AVL9: variants seen among roughly 807,000 people sequenced by gnomAD.
The protein encoded by AVL9 is AVL9 cell migration associated.
In AVL9, 49 loss-of-function variants were observed where a neutral mutation model predicts 79.2. That is an observed-to-expected ratio of 0.62 (90% CI 0.49 to 0.79). The LOEUF (loss-of-function observed/expected upper bound fraction) is 0.79. Among genes scored for constraint, AVL9 ranks in the 30% least tolerant of loss-of-function variants. The pLI, the probability that AVL9 is intolerant of heterozygous loss-of-function variation, is 0.00. For synonymous variants in AVL9, 299 were observed against 280.6 expected (o/e 1.07, Z -0.65); for missense variants, 682 against 776.8 (o/e 0.88, Z 1.45).
At chr7:32,570,980 A>G (rs1367111692) in intron 11 of AVL9, among the ~76,000 whole-genome samples, 1 of 142,446 alleles carries the variant, frequency 7.0e-6, no homozygotes, top group Non-Finnish European at 1.5e-5. Context: ...CTGTAATCCC[A>G]GCACTTGGGG....
intron 5 of AVL9, 71 bp from the exon 6 acceptor site, chr7:32,552,158 C>A: frequency 1.0e-6 from 1 of 991,808 alleles, no homozygotes; most frequent in Non-Finnish European, 1.5e-6. Flanking sequence ...CAGCTTTTTT[C>A]TGATCAATAT....
intron 13 of AVL9, among the ~76,000 whole-genome samples, chr7:32,577,772 GA>G (rs1182445572): frequency 3.3e-5 from 5 of 152,328 alleles, no homozygotes; most frequent in Non-Finnish European, 5.9e-5. Context: ...AAGAACATGT[GA>G]AGAAGTTGAG....
At chr7:32,563,724 A>G (rs1790429242) in intron 10 of AVL9, among the ~76,000 whole-genome samples, 1 of 152,062 alleles carries the variant, frequency 6.6e-6, no homozygotes, top group African/African-American at 2.4e-5. Context: ...CAATGTATGT[A>G]TTCCTCTCCT....
chr7:32,537,820 A>G (rs1049079512), intron 1 of AVL9: 2 of 152,178 alleles, frequency 1.3e-5, no homozygotes, highest in African/African-American at 4.8e-5. Flanking sequence ...GCAGTTTCCA[A>G]ATGGAAGTAT....
chr7:32,573,319 G>A lies in AVL9; in HGVS notation c.1471G>A (p.Val491Ile), dbSNP rs200579250. 1.0e-4 allele frequency: 163 copies of A among 1,613,698 alleles called. No homozygotes were observed. The highest frequency in any genetic ancestry group is 1.6e-4 in the Middle Eastern group (1 of 6,084). ...GCACGTGACTGAGAATCGGGATGACGTCTTCCTAGATGGCACGGGCTGGGA... is the reference window on the plus strand; with the variant it reads ...GCACGTGACTGAGAATCGGGATGACATCTTCCTAGATGGCACGGGCTGGGA... ...VRHVTENRDD[V>I]FLDGTGWEGG... The change falls in exon 12 of 16, where the codon GTC becomes ATC. Residue 491 changes from valine (V) to isoleucine (I), a missense_variant. Coordinates refer to ENST00000318709, the MANE Select transcript of AVL9 (RefSeq NM_015060.3).
rs1197899227 is a variant in AVL9 at position 32,585,916 on chromosome 7, G to A, written c.*2009G>A. The stretch of plus-strand genomic sequence containing the variant: ...TATAAAGAATTCATTCTAACATCTT[G>A]TTTCATAAGGGCCACATCATTCGTT... On this transcript the variant is annotated 3_prime_UTR_variant, in exon 16 of 16. Transcript: ENST00000318709. 1.3e-5 allele frequency: 2 copies of A among 152,140 alleles called. No homozygotes were observed. The highest frequency in any genetic ancestry group is 1.5e-5 in the Non-Finnish European group (1 of 68,028). 9.4% of individuals were successfully genotyped at this position (152,140 alleles called of 1,614,324 possible). A position where few individuals can be genotyped will look rare whatever the true frequency, so the allele number is the denominator to read the frequency against.
At chr7:32,499,563 A>C (rs1480249609) in intron 1 of AVL9, among the ~76,000 whole-genome samples, 2 of 130,876 alleles carry the variant, frequency 1.5e-5, no homozygotes, top group African/African-American at 5.9e-5. Context: ...TCTAATACAA[A>C]AAAGGCAGAA....
intron 8 of AVL9, among the ~76,000 whole-genome samples, chr7:32,556,603 T>G (rs17528697): frequency 1.3e-5 from 2 of 151,688 alleles, no homozygotes; most frequent in African/African-American, 4.9e-5. Context: ...ACCCAGCATA[T>G]TAGTGTGGTA....
At chr7:32,569,107 C>T (rs781574518) in intron 10 of AVL9, among the ~76,000 whole-genome samples, 2 of 152,172 alleles carry the variant, frequency 1.3e-5, no homozygotes, top group Non-Finnish European at 2.9e-5. Flanking sequence ...AGAGATTTGT[C>T]TCATGATGTA....
At chr7:32,543,930 A>C (rs546996642) in intron 2 of AVL9, among the ~76,000 whole-genome samples, 6 of 145,276 alleles carry the variant, frequency 4.1e-5, no homozygotes, top group African/African-American at 1.5e-4. Context: ...TTTTTTGGAG[A>C]TGGAATCTCA....
intron 1 of AVL9, among the ~76,000 whole-genome samples, chr7:32,524,074 C>T (rs564817321): frequency 2.0e-5 from 3 of 151,066 alleles, no homozygotes; most frequent in East Asian, 4.1e-4. Flanking sequence ...GTCTCAAACT[C>T]CTAACTTCAA....
At chr7:32,561,826 A>G (rs1305586123) in intron 10 of AVL9, among the ~76,000 whole-genome samples, 1 of 152,180 alleles carries the variant, frequency 6.6e-6, no homozygotes, top group East Asian at 1.9e-4. Flanking sequence ...TTCAAATAAG[A>G]TGTGAGACTC....
chr7:32,570,587 C>A (rs988813347), intron 11 of AVL9, among the ~76,000 whole-genome samples: 5 of 151,628 alleles, frequency 3.3e-5, no homozygotes, highest in Non-Finnish European at 5.9e-5. Flanking sequence ...ATACGAAATT[C>A]AAATCATTTG....
intron 1 of AVL9, among the ~76,000 whole-genome samples, chr7:32,497,653 C>CTT (rs59504023): frequency 4.3e-5 from 5 of 117,102 alleles, no homozygotes; most frequent in Non-Finnish European, 3.6e-5. Context: ...ACCATTAGTT[C>CTT]TTTTTTTTTT....
chr7:32,525,589 T>C (rs1452911835), intron 1 of AVL9, among the ~76,000 whole-genome samples: 1 of 152,230 alleles, frequency 6.6e-6, no homozygotes. Flanking sequence ...ACTTTTGTTT[T>C]TTTGAGTGCA....
chr7:32,517,392 G>A (rs900969622), intron 1 of AVL9, among the ~76,000 whole-genome samples: 2 of 150,124 alleles, frequency 1.3e-5, no homozygotes, highest in African/African-American at 4.9e-5. Context: ...TGCAAACTCT[G>A]TCGCCTGAGT....
At chr7:32,573,537 A>G in intron 12 of AVL9, 119 bp downstream of exon 12, 2 of 890,512 alleles carry the variant, frequency 2.2e-6, no homozygotes, top group Non-Finnish European at 3.4e-6. Flanking sequence ...ATTACCAGTT[A>G]TTCCCTCATA....
intron 1 of AVL9, among the ~76,000 whole-genome samples, chr7:32,529,171 T>G (rs1237771250): frequency 6.6e-6 from 1 of 152,182 alleles, no homozygotes; most frequent in Non-Finnish European, 1.5e-5. Flanking sequence ...TGCCTCTCAT[T>G]TAAGATTTAG....
intron 1 of AVL9, among the ~76,000 whole-genome samples, chr7:32,522,314 C>T (rs1788195538): frequency 6.6e-6 from 1 of 152,194 alleles, no homozygotes; most frequent in Non-Finnish European, 1.5e-5. Flanking sequence ...AGGCTGTACC[C>T]TGCCAAGCCA....
Sources: gnomAD v4.1 joint callset for allele counts (sites outside exome capture counted in the v4.1 genomes callset) on GRCh38, gnomAD v4.1.1 for gene constraint, MANE v1.5 for transcripts, NCBI Gene and HGNC (gene_info 2026-07-23, HGNC 2026-07-21) for gene names.